PEPD: variants seen among roughly 807,000 people sequenced by gnomAD.
PEPD encodes the protein xaa-Pro dipeptidase.
PEPD carries 53 observed loss-of-function variants against 60.7 expected under a neutral mutation model. The observed-to-expected ratio is 0.87, with a 90% CI of 0.70 to 1.10. The LOEUF is 1.10. PEPD is among the 50% of genes least tolerant of loss of function. The pLI is 0.00. For synonymous variants in PEPD, 267 were observed against 284.1 expected (o/e 0.94, Z 0.60); for missense variants, 711 against 711.9 (o/e 1.00, Z 0.01).
chr19:33,399,761 G>C (rs1300325577), intron 12 of PEPD, among the ~76,000 whole-genome samples: 1 of 152,178 alleles, frequency 6.6e-6, no homozygotes, highest in Non-Finnish European at 1.5e-5. Context: ...GGAGGCTCCA[G>C]ATCTTTCTTT....
chr19:33,482,639 C>T (rs1198914699), intron 6 of PEPD, among the ~76,000 whole-genome samples: 2 of 152,162 alleles, frequency 1.3e-5, no homozygotes, highest in Non-Finnish European at 2.9e-5. Context: ...TCCAGACGAC[C>T]CTGCAATTCC....
At chr19:33,453,016 T>C (rs1043900355) in intron 9 of PEPD, among the ~76,000 whole-genome samples, 16 of 152,240 alleles carry the variant, frequency 1.1e-4, no homozygotes, top group African/African-American at 3.6e-4. Flanking sequence ...CTGTATAAAA[T>C]GCTAGTGAAA....
chr19:33,396,863 G>A (rs1968378727), intron 12 of PEPD, among the ~76,000 whole-genome samples: 1 of 152,148 alleles, frequency 6.6e-6, no homozygotes, highest in Non-Finnish European at 1.5e-5. Flanking sequence ...GACAGGGACA[G>A]CTGTGCTGCT....
chr19:33,393,470 C>T (rs1225380247), intron 12 of PEPD, among the ~76,000 whole-genome samples: 3 of 148,356 alleles, frequency 2.0e-5, no homozygotes, highest in Non-Finnish European at 4.4e-5. Context: ...AACTGCAGCC[C>T]ACTTGGCCGC....
chr19:33,428,243 G>A (rs1390439214), intron 9 of PEPD, among the ~76,000 whole-genome samples: 2 of 152,202 alleles, frequency 1.3e-5, no homozygotes, highest in Admixed American at 6.5e-5. Flanking sequence ...AGTCACGCCC[G>A]TGGATGCCGG....
intron 7 of PEPD, among the ~76,000 whole-genome samples, chr19:33,473,621 G>A (rs976582762): frequency 6.6e-6 from 1 of 152,154 alleles, no homozygotes; most frequent in African/African-American, 2.4e-5. Flanking sequence ...GTACTTAACC[G>A]AAACCCAAGG....
At chr19:33,438,932 T>C (rs10413781) in intron 9 of PEPD, among the ~76,000 whole-genome samples, 85,329 of 152,146 alleles carry the variant, frequency 0.56, 24,580 homozygotes, top group African/African-American at 0.65. Flanking sequence ...GTTGGCCAGG[T>C]TGGTCTCGAA....
chr19:33,398,098 A>AC (rs1179365131), intron 12 of PEPD, among the ~76,000 whole-genome samples: 1 of 151,562 alleles, frequency 6.6e-6, no homozygotes, highest in African/African-American at 2.4e-5. Flanking sequence ...CCCACCGAAC[A>AC]CCCCCCAGGC....
chr19:33,510,598 C>T (rs1275059866), intron 3 of PEPD, among the ~76,000 whole-genome samples: 1 of 152,198 alleles, frequency 6.6e-6, no homozygotes, highest in Non-Finnish European at 1.5e-5. Flanking sequence ...GGATGTTCTA[C>T]ACATGTGGGG....
At chr19:33,395,353 G>A (rs1008273842) in intron 12 of PEPD, among the ~76,000 whole-genome samples, 1 of 152,152 alleles carries the variant, frequency 6.6e-6, no homozygotes, top group South Asian at 2.1e-4. Context: ...CTTGGTAAAC[G>A]CCTGGAAGGA....
At chr19:33,481,584 AG>A (rs2145303527) in intron 6 of PEPD, among the ~76,000 whole-genome samples, 2 of 152,336 alleles carry the variant, frequency 1.3e-5, no homozygotes, top group South Asian at 4.1e-4. Flanking sequence ...AAAAAAAGAA[AG>A]AAATAGAAAA....
intron 9 of PEPD, among the ~76,000 whole-genome samples, chr19:33,443,593 A>C (rs1366842483): frequency 6.6e-6 from 1 of 152,228 alleles, no homozygotes; most frequent in Non-Finnish European, 1.5e-5. Flanking sequence ...TTTAAATTTA[A>C]AAAGAAAACG....
chr19:33,418,337 GGGGAT>G (rs886298196), intron 9 of PEPD, among the ~76,000 whole-genome samples: 39 of 152,328 alleles, frequency 2.6e-4, no homozygotes, highest in African/African-American at 8.2e-4. Context: ...CAGTCCTGCA[GGGGAT>G]GCCCTGAGAC....
intron 1 of PEPD, among the ~76,000 whole-genome samples, chr19:33,513,351 G>A (rs1355571158): frequency 6.6e-6 from 1 of 152,048 alleles, no homozygotes; most frequent in Non-Finnish European, 1.5e-5. Flanking sequence ...CAGACTCACA[G>A]ACCCATCAGC....
chr19:33,401,706 C>T lies in PEPD; in HGVS notation c.967+15G>A, dbSNP rs749126560. ...CCACGTCAGATGCGCCTCCCCCCACCGACCCGCTGCTCACCTGGCTTCATG... is the reference window on the plus strand; with the variant it reads ...CCACGTCAGATGCGCCTCCCCCCACTGACCCGCTGCTCACCTGGCTTCATG... On this transcript the variant is annotated intron_variant, in intron 12 of 14. Coordinates refer to ENST00000244137, the MANE Select transcript of PEPD (RefSeq NM_000285.4). 1.1e-5 allele frequency: 17 copies of T among 1,601,274 alleles called. No individual in the cohort carries two copies. Among genetic ancestry groups the T allele is most frequent in the South Asian group, 4.5e-5 (4 of 89,114 alleles).
chr19:33,464,497 C>T (rs1969983293), intron 7 of PEPD, among the ~76,000 whole-genome samples: 1 of 152,188 alleles, frequency 6.6e-6, no homozygotes, highest in Admixed American at 6.5e-5. Context: ...CTGAAGAGGC[C>T]TCGTTTCCTC....
intron 9 of PEPD, among the ~76,000 whole-genome samples, chr19:33,443,337 T>G (rs1385252979): frequency 6.6e-6 from 1 of 152,172 alleles, no homozygotes; most frequent in Non-Finnish European, 1.5e-5. Flanking sequence ...TGGTGGACAT[T>G]TGGATTCTTT....
intron 5 of PEPD, among the ~76,000 whole-genome samples, chr19:33,492,189 C>T (rs925388575): frequency 9.9e-5 from 15 of 151,868 alleles, no homozygotes; most frequent in African/African-American, 3.4e-4. Context: ...TTTGGGGGCA[C>T]ACCACAGCTC....
chr19:33,484,408 GCA>G (rs905537701), intron 6 of PEPD, among the ~76,000 whole-genome samples: 12 of 152,252 alleles, frequency 7.9e-5, no homozygotes, highest in Admixed American at 5.9e-4. Context: ...AAGTGACCCA[GCA>G]CAGAGTGACT....
Sources: gnomAD v4.1 joint callset for allele counts (sites outside exome capture counted in the v4.1 genomes callset) on GRCh38, gnomAD v4.1.1 for gene constraint, MANE v1.5 for transcripts, NCBI Gene and HGNC (gene_info 2026-07-23, HGNC 2026-07-21) for gene names.